UNC5B: variants seen among roughly 807,000 people sequenced by gnomAD.
The protein encoded by UNC5B is netrin receptor UNC5B.
Under a neutral mutation model 103.7 loss-of-function variants are expected in UNC5B, and 56 were observed. The ratio of observed to expected loss-of-function variants is 0.54; its 90% confidence interval spans 0.44 to 0.67. The LOEUF is 0.67. Ranked by LOEUF, UNC5B falls within the 30% of genes least tolerant of loss-of-function variation. The pLI is 0.00. For missense variants in UNC5B, 1,194 were observed against 1,284.5 expected, an observed-to-expected ratio of 0.93 and a Z score of 1.08; for synonymous variants, 577 against 542.0, an observed-to-expected ratio of 1.06 and a Z score of -0.90.
At chr10:71,219,733 G>A (rs1049599099) in intron 1 of UNC5B, among the ~76,000 whole-genome samples, 1 of 152,252 alleles carries the variant, frequency 6.6e-6, no homozygotes, top group Non-Finnish European at 1.5e-5. Context: ...GGTGCTGTCT[G>A]TAAGTGTTGC....
rs537537474 is a variant in UNC5B, at chr10:71,223,707, C to T, written c.79+10643C>T. ...CCTTGTAAGGCACAGCTGGTCCAGG[C>T]GACTTTAAAATGTTTCTTTCCTACT... On this transcript the variant is annotated intron_variant, in intron 1 of 16. Transcript: ENST00000335350. Among the ~76,000 whole-genome samples, 14 of 152,232 alleles carry T rather than the reference C, an allele frequency of 9.2e-5. No individual in the cohort carries two copies. In the South Asian group the frequency reaches 2.3e-3, roughly 25 times the overall value.
intron 1 of UNC5B, among the ~76,000 whole-genome samples, chr10:71,271,395 C>A (rs183271694): frequency 1.3e-5 from 2 of 152,324 alleles, no homozygotes; most frequent in East Asian, 3.9e-4. Context: ...GGGCTTTGAG[C>A]TCCTTGTCTG....
intron 1 of UNC5B, among the ~76,000 whole-genome samples, chr10:71,243,609 G>T (rs1489968356): frequency 6.6e-6 from 1 of 152,218 alleles, no homozygotes; most frequent in Non-Finnish European, 1.5e-5. Context: ...CTCAGCCAGG[G>T]TTAGTTCCCT....
intron 3 of UNC5B, 40 bp from the exon 4 acceptor site, chr10:71,285,286 C>T (rs1215492740): frequency 6.4e-7 from 1 of 1,560,808 alleles, no homozygotes; most frequent in Non-Finnish European, 8.7e-7. Flanking sequence ...TCTGATCCTG[C>T]CCGCACCTGA....
At chr10:71,241,873 A>T (rs1843909176) in intron 1 of UNC5B, among the ~76,000 whole-genome samples, 1 of 152,166 alleles carries the variant, frequency 6.6e-6, no homozygotes, top group Non-Finnish European at 1.5e-5. Context: ...TAGAGATAAT[A>T]GCAGCCTGTT....
At chr10:71,266,110 C>G (rs1377846788) in intron 1 of UNC5B, among the ~76,000 whole-genome samples, 1 of 152,134 alleles carries the variant, frequency 6.6e-6, no homozygotes, top group Non-Finnish European at 1.5e-5. Flanking sequence ...CCTTATCCCT[C>G]CTCAAGAAAT....
chr10:71,235,091 A>ACTCTGC (rs749369234), intron 1 of UNC5B, among the ~76,000 whole-genome samples: 1,682 of 87,414 alleles, frequency 0.019, 9 homozygotes, highest in African/African-American at 0.026. Flanking sequence ...GCTGCCTCTG[A>ACTCTGC]CTCTGCCTCT....
chr10:71,297,928 A>T lies in UNC5B; in HGVS notation c.2510A>T (p.Asp837Val). Residue 837 changes from aspartate (D) to valine (V), a missense_variant, in exon 16 of 17, where the codon GAC (aspartate) becomes GTC (valine). Coordinates refer to ENST00000335350, the MANE Select transcript of UNC5B (RefSeq NM_170744.5). ...TTGCAGACACCTGCTGGCTCCCTGG[A>T]CACTCTCTGCTCTGCCCCTGGCAGC... Reference protein sequence around the residue: ...TLAETPAGSLDTLCSAPGSTV... With the variant: ...TLAETPAGSLVTLCSAPGSTV... 1 of 1,613,176 alleles carries T rather than the reference A, an allele frequency of 6.2e-7. No individual in the cohort carries two copies.
chr10:71,225,624 GC>G (rs1338114197), intron 1 of UNC5B, among the ~76,000 whole-genome samples: 1 of 152,236 alleles, frequency 6.6e-6, no homozygotes, highest in Non-Finnish European at 1.5e-5. Context: ...TCGGCCGGCT[GC>G]CCATTCTTAG....
At chr10:71,271,285 A>G (rs1844639892) in intron 1 of UNC5B, among the ~76,000 whole-genome samples, 1 of 152,244 alleles carries the variant, frequency 6.6e-6, no homozygotes, top group African/African-American at 2.4e-5. Context: ...TCGCAGGGTC[A>G]TTGTGTTGAC....
rs202096469 is a variant in UNC5B at position 71,291,544 on chromosome 10, C to T, written c.1407C>T (p.Thr469=). Residue 469 remains threonine, a synonymous_variant, in exon 10 of 17, where the codon ACC becomes ACT. Transcript: ENST00000335350. The part of the protein sequence containing the change: ...LQDSTDKIPM[T]NSPLLDPLPS... ...ACTCCACCGACAAAATCCCCATGAC[C>T]AACTCTCCTCTGCTGGACCCCTTAC... 167 of 1,614,206 alleles carry T rather than the reference C, an allele frequency of 1.0e-4. No individual in the cohort carries two copies. Among genetic ancestry groups the T allele is most frequent in the Middle Eastern group, 6.6e-4 (4 of 6,062 alleles).
intron 1 of UNC5B, among the ~76,000 whole-genome samples, chr10:71,227,743 C>T (rs902173228): frequency 1.6e-5 from 2 of 123,226 alleles, no homozygotes; most frequent in Non-Finnish European, 3.7e-5. Context: ...CACACACACA[C>T]ACATACATAC....
intron 1 of UNC5B, among the ~76,000 whole-genome samples, chr10:71,268,389 C>A (rs4747144): frequency 6.6e-6 from 1 of 152,122 alleles, no homozygotes; most frequent in Non-Finnish European, 1.5e-5. Context: ...AGTGACGCTG[C>A]AGCCACAGAC....
chr10:71,216,468 C>T (rs1843331173), intron 1 of UNC5B, among the ~76,000 whole-genome samples: 1 of 152,178 alleles, frequency 6.6e-6, no homozygotes, highest in African/African-American at 2.4e-5. Flanking sequence ...GCTCCCCCAA[C>T]CCCCAGCATT....
chr10:71,287,947 G>A, intron 6 of UNC5B, among the ~76,000 whole-genome samples, 182 bp downstream of exon 6: 1 of 152,184 alleles, frequency 6.6e-6, no homozygotes, highest in East Asian at 1.9e-4. Flanking sequence ...ATTCTGCCCT[G>A]GGCTGCTGGT....
At chr10:71,237,429 A>G (rs888493326) in intron 1 of UNC5B, among the ~76,000 whole-genome samples, 1 of 152,152 alleles carries the variant, frequency 6.6e-6, no homozygotes, top group Non-Finnish European at 1.5e-5. Context: ...GTGCTTGGGC[A>G]TTTTTGGAGT....
At chr10:71,239,410 C>A (rs1443683662) in intron 1 of UNC5B, among the ~76,000 whole-genome samples, 5 of 150,188 alleles carry the variant, frequency 3.3e-5, no homozygotes, top group Admixed American at 3.3e-4. Flanking sequence ...GGGTGGCCAT[C>A]GAGTTCGGGT....
chr10:71,275,355 T>C (rs1037686743), intron 1 of UNC5B, among the ~76,000 whole-genome samples: 14 of 152,214 alleles, frequency 9.2e-5, no homozygotes, highest in African/African-American at 3.4e-4. Context: ...TTAGATGTGG[T>C]TCCTCTGTAG....
chr10:71,290,619 G>T (rs189953605), intron 8 of UNC5B, among the ~76,000 whole-genome samples: 1 of 152,348 alleles, frequency 6.6e-6, no homozygotes, highest in East Asian at 1.9e-4. Flanking sequence ...CTGAGCCACA[G>T]ACCCTGTCTC....
Sources: gnomAD v4.1 joint callset for allele counts (sites outside exome capture counted in the v4.1 genomes callset) on GRCh38, gnomAD v4.1.1 for gene constraint, MANE v1.5 for transcripts, NCBI Gene and HGNC (gene_info 2026-07-23, HGNC 2026-07-21) for gene names.